SLC8A1: variants seen among roughly 807,000 people sequenced by gnomAD.
SLC8A1 encodes the protein sodium/calcium exchanger 1.
Under a neutral mutation model 68.3 loss-of-function variants are expected in SLC8A1, and 18 were observed. The observed-to-expected ratio is 0.26, with a 90% CI of 0.18 to 0.39. The LOEUF (loss-of-function observed/expected upper bound fraction) is 0.39, where lower values mean the gene tolerates loss of function less well. Ranked by LOEUF, SLC8A1 falls within the 10% of genes least tolerant of loss-of-function variation. The pLI is 1.00. For synonymous variants in SLC8A1, 475 were observed against 415.5 expected (o/e 1.14, Z -1.74); for missense variants, 985 against 1,156.7 (o/e 0.85, Z 2.15).
At chr2:40,281,141 A>G (rs1476059013) in intron 2 of SLC8A1, among the ~76,000 whole-genome samples, 1 of 152,052 alleles carries the variant, frequency 6.6e-6, no homozygotes, top group Non-Finnish European at 1.5e-5. Context: ...TCACCAAAGC[A>G]CCCATGGTAG....
In SLC8A1 at chr2:40,379,782, G is replaced by C. The variant is rs138876708; in HGVS notation, c.1808+48691C>G. Among the ~76,000 whole-genome samples, 481 of 152,004 alleles carry C rather than the reference G, an allele frequency of 3.2e-3. 1 individual carries two copies. The highest frequency in any genetic ancestry group is 5.0e-3 in the Non-Finnish European group (339 of 67,970). On this transcript the variant is annotated intron_variant, in intron 2 of 7. Coordinates refer to ENST00000406785, the Ensembl canonical transcript of SLC8A1. Reference sequence around the variant, plus strand: ...TTCCCAGAGCCACATTTTCCTTGGGGCAGCATCTTCAAAACTTGCCACTGA... The same window carrying C: ...TTCCCAGAGCCACATTTTCCTTGGGCCAGCATCTTCAAAACTTGCCACTGA...
At chr2:40,235,609 C>A (rs1318531397) in intron 2 of SLC8A1, among the ~76,000 whole-genome samples, 1 of 151,824 alleles carries the variant, frequency 6.6e-6, no homozygotes, top group Non-Finnish European at 1.5e-5. Context: ...TTCAGTTCTG[C>A]TCTGATTTTA....
intron 1 of SLC8A1, among the ~76,000 whole-genome samples, chr2:40,448,249 G>C (rs1411355416): frequency 2.0e-5 from 3 of 152,162 alleles, no homozygotes; most frequent in Non-Finnish European, 2.9e-5. Context: ...TGGAGGACTG[G>C]GGATGGAAGG....
chr2:40,210,148 T>C (rs1031060745), intron 2 of SLC8A1: 7 of 152,170 alleles, frequency 4.6e-5, no homozygotes, highest in African/African-American at 1.7e-4. Context: ...GAATTACCAA[T>C]CAGCTATGGC....
intron 4 of SLC8A1, among the ~76,000 whole-genome samples, chr2:40,172,583 T>G (rs144801071): frequency 3.9e-5 from 6 of 152,214 alleles, no homozygotes; most frequent in African/African-American, 1.4e-4. Flanking sequence ...AAAAGAAAAC[T>G]AGGATCCCAT....
chr2:40,155,506 C>T (rs961263233), intron 6 of SLC8A1, among the ~76,000 whole-genome samples: 9 of 152,072 alleles, frequency 5.9e-5, no homozygotes, highest in Non-Finnish European at 1.0e-4. Context: ...ATGACAATTT[C>T]CCCATAGTAA....
intron 2 of SLC8A1, among the ~76,000 whole-genome samples, chr2:40,236,016 C>G (rs1300357359): frequency 6.6e-6 from 1 of 151,712 alleles, no homozygotes; most frequent in African/African-American, 2.4e-5. Flanking sequence ...AGCTTTACTT[C>G]CAAGTATGTG....
chr2:40,501,613 C>A (rs1465497774), intron 1 of SLC8A1, among the ~76,000 whole-genome samples: 1 of 152,042 alleles, frequency 6.6e-6, no homozygotes, highest in African/African-American at 2.4e-5. Flanking sequence ...CTAGAAATCA[C>A]CCAGTACATT....
At chr2:40,151,415 C>A (rs1179486222) in intron 6 of SLC8A1, among the ~76,000 whole-genome samples, 2 of 152,126 alleles carry the variant, frequency 1.3e-5, no homozygotes, top group Non-Finnish European at 2.9e-5. Flanking sequence ...AAAGACTTAG[C>A]ATTGCCAAGC....
At chr2:40,158,573 C>T (rs1437036951) in intron 6 of SLC8A1, among the ~76,000 whole-genome samples, 2 of 152,100 alleles carry the variant, frequency 1.3e-5, no homozygotes, top group Non-Finnish European at 2.9e-5. Flanking sequence ...AAGCTCTAGG[C>T]AGGAGTTAGT....
chr2:40,291,301 T>A (rs1332747840), intron 2 of SLC8A1, among the ~76,000 whole-genome samples: 1 of 152,066 alleles, frequency 6.6e-6, no homozygotes, highest in Non-Finnish European at 1.5e-5. Flanking sequence ...TGATTTTGAG[T>A]TTATGGAAGT....
At chr2:40,486,806 T>C (rs957403457) in intron 1 of SLC8A1, among the ~76,000 whole-genome samples, 4 of 151,932 alleles carry the variant, frequency 2.6e-5, no homozygotes, top group African/African-American at 4.8e-5. Flanking sequence ...ATGTGCCATG[T>C]TGGTGTGCTG....
At chr2:40,482,659 A>C (rs79107971) in intron 1 of SLC8A1, among the ~76,000 whole-genome samples, 5,419 of 152,288 alleles carry the variant, frequency 0.036, 243 homozygotes, top group East Asian at 0.24. Flanking sequence ...ATTTGAATCC[A>C]GACAGCCTGT....
At chr2:40,098,766 T>A (rs953572801) in exon 8 of SLC8A1, 1 of 152,042 alleles carries the variant, frequency 6.6e-6, no homozygotes, top group African/African-American at 2.4e-5. Context: ...GCTTAAAAAA[T>A]ATTTTCCTTG....
chr2:40,493,588 T>C (rs910464116), intron 1 of SLC8A1, among the ~76,000 whole-genome samples: 5 of 150,542 alleles, frequency 3.3e-5, no homozygotes, highest in Non-Finnish European at 5.9e-5. Flanking sequence ...AACTTGGGAG[T>C]TGGGAAACCA....
intron 2 of SLC8A1, among the ~76,000 whole-genome samples, chr2:40,392,465 A>G (rs1311680531): frequency 6.6e-6 from 1 of 152,118 alleles, no homozygotes; most frequent in Non-Finnish European, 1.5e-5. Flanking sequence ...ATTTAGGCTC[A>G]TTTATTGATG....
At chr2:40,189,857 G>A (rs2051426868) in intron 2 of SLC8A1, 2 of 152,200 alleles carry the variant, frequency 1.3e-5, no homozygotes, top group African/African-American at 2.4e-5. Flanking sequence ...TCACATGCTT[G>A]GGCCCCACTC....
chr2:40,274,293 G>A lies in SLC8A1; in HGVS notation c.1809-96438C>T, dbSNP rs552484774. 7.3e-5 allele frequency among the ~76,000 whole-genome samples: 11 copies of A among 150,758 alleles called. No individual in the cohort carries two copies. The East Asian group carries it at 1.6e-3, about 21-fold the overall frequency. On this transcript the variant is annotated intron_variant, in intron 2 of 7. Coordinates refer to ENST00000406785, the Ensembl canonical transcript of SLC8A1. ...CCCACATAAATGTATTGAGTAATCC[G>A]AACTTGCTTATTTTGTAAATAAACA... is the stretch of plus-strand genomic sequence containing the variant.
At chr2:40,143,781 A>C (rs1367591179) in intron 6 of SLC8A1, among the ~76,000 whole-genome samples, 2 of 152,148 alleles carry the variant, frequency 1.3e-5, no homozygotes, top group African/African-American at 4.8e-5. Context: ...CTTTCTTTTA[A>C]AGTAAACAGG....
Sources: allele counts gnomAD v4.1 joint callset (sites outside exome capture counted in the v4.1 genomes callset), GRCh38; gene constraint gnomAD v4.1.1; transcripts MANE v1.5; gene names NCBI Gene and HGNC (gene_info 2026-07-23, HGNC 2026-07-21).